The following ATP2C2 variants were observed in gnomAD, a reference collection of about 807,000 sequenced individuals.
The protein encoded by ATP2C2 is calcium-transporting ATPase type 2C member 2.
Under a neutral mutation model 110.8 loss-of-function variants are expected in ATP2C2, and 171 were observed. That is an observed-to-expected ratio of 1.54 (90% CI 1.36 to 1.75). The LOEUF is 1.75. Among genes scored for constraint, ATP2C2 ranks in the 40% most tolerant of loss-of-function variants. The pLI, the probability that ATP2C2 is intolerant of heterozygous loss-of-function variation, is 0.00. For missense variants in ATP2C2, 1,963 were observed against 1,235.0 expected, an observed-to-expected ratio of 1.59 and a Z score of -8.84; for synonymous variants, 804 against 508.4, an observed-to-expected ratio of 1.58 and a Z score of -7.82.
chr16:84,410,579 C>T lies in ATP2C2; in HGVS notation c.429C>T (p.Val143=), dbSNP rs750233328. 3.1e-5 allele frequency: 50 copies of T among 1,613,900 alleles called. No individual in the cohort carries two copies. Among genetic ancestry groups the T allele is most frequent in the Non-Finnish European group, 4.2e-5 (49 of 1,179,986 alleles). The change falls in exon 5 of 27, where the codon GTC becomes GTT. Residue 143 remains valine (V), a synonymous_variant. Transcript: ENST00000262429. ...DAVSIATAVL[V]VVTVAFIQEY... ...CGTTTGCTGTCTAGGCAGTGCTTGTCGTGGTCACTGTCGCCTTCATCCAGG... is the reference window on the plus strand; with the variant it reads ...CGTTTGCTGTCTAGGCAGTGCTTGTTGTGGTCACTGTCGCCTTCATCCAGG...
chr16:84,427,584 G>A (rs1194559110), intron 11 of ATP2C2, among the ~76,000 whole-genome samples: 2 of 152,068 alleles, frequency 1.3e-5, no homozygotes, highest in Non-Finnish European at 2.9e-5. Flanking sequence ...GGGTGTGGTG[G>A]CAGGCACCTA....
At chr16:84,393,710 G>A (rs1904798005) in intron 1 of ATP2C2, among the ~76,000 whole-genome samples, 1 of 151,744 alleles carries the variant, frequency 6.6e-6, no homozygotes. Flanking sequence ...GGAGGATAGA[G>A]GATGGGAGGC....
At chr16:84,388,461 T>A (rs1904449999) in intron 1 of ATP2C2, among the ~76,000 whole-genome samples, 1 of 152,260 alleles carries the variant, frequency 6.6e-6, no homozygotes, top group African/African-American at 2.4e-5. Context: ...GGCCTGAGTT[T>A]CTGCATTTCT....
chr16:84,441,881 C>G (rs1158414411), intron 14 of ATP2C2, among the ~76,000 whole-genome samples: 1 of 152,106 alleles, frequency 6.6e-6, no homozygotes, highest in African/African-American at 2.4e-5. Flanking sequence ...TGAGGTCATG[C>G]CACTGCACTC....
Position 84,446,398 on chromosome 16 carries a change from T to C in ATP2C2, c.1471T>C (p.Trp491Arg), listed in dbSNP as rs1250061309. ...GATTCCATTCAGTTCAGAGCAGAAG[T>C]GGATGGCGGTGAAATGCAGTCTGAA... Reference protein sequence around the residue: ...KEIPFSSEQKWMAVKCSLKTE... With the variant: ...KEIPFSSEQKRMAVKCSLKTE... Residue 491 changes from tryptophan to arginine, a missense_variant, in exon 16 of 27, where the codon TGG becomes CGG. By Grantham distance (101) the Trp-to-Arg change is moderately radical. Coordinates refer to ENST00000262429, the MANE Select transcript of ATP2C2 (RefSeq NM_014861.4). 6.2e-7 allele frequency: 1 copy of C among 1,606,548 alleles called. No homozygotes were observed. The highest frequency in any genetic ancestry group is 1.1e-5 in the South Asian group (1 of 89,340).
intron 11 of ATP2C2, among the ~76,000 whole-genome samples, chr16:84,438,545 C>A (rs1274416451): frequency 6.6e-6 from 1 of 152,184 alleles, no homozygotes; most frequent in Non-Finnish European, 1.5e-5. Flanking sequence ...ACGCTCTCCT[C>A]GAATCCAGCC....
chr16:84,412,456 G>T (rs1385331038), intron 6 of ATP2C2, among the ~76,000 whole-genome samples: 1 of 148,434 alleles, frequency 6.7e-6, no homozygotes, highest in African/African-American at 2.5e-5. Context: ...GTGTGTCTGT[G>T]TCTCCGTGTG....
chr16:84,461,595 G>T, intron 24 of ATP2C2, 119 bp from the exon 25 acceptor site: 1 of 873,360 alleles, frequency 1.1e-6, no homozygotes, highest in Non-Finnish European at 1.9e-6. Flanking sequence ...ACCGATTCAT[G>T]AGCTTGTAAG....
In ATP2C2 at chr16:84,398,550, G is replaced by T; in HGVS notation, c.151G>T (p.Ala51Ser). Residue 51 changes from alanine (A) to serine (S), a missense_variant, in exon 2 of 27, where the codon GCC becomes TCC. Ala to Ser is a moderately conservative substitution (Grantham distance 99). Transcript: ENST00000262429. ...CATCGAGAAAGAGAAGAAGGTGACA[G>T]CCCTGCCCCCCAAGGAAGCGTGCAA... ...KAIEKEKKVT[A>S]LPPKEACKCQ... 6.2e-7 allele frequency: 1 copy of T among 1,613,700 alleles called. No individual in the cohort carries two copies. The highest frequency in any genetic ancestry group is 8.5e-7 in the Non-Finnish European group (1 of 1,179,844).
At chr16:84,398,643 G>T in intron 2 of ATP2C2, 34 bp downstream of exon 2, 1 of 1,524,582 alleles carries the variant, frequency 6.6e-7, no homozygotes. Context: ...AGCTAATTGT[G>T]ATAAGGTTTT....
chr16:84,461,918 G>A (rs1911397225), intron 25 of ATP2C2, 70 bp from the exon 26 acceptor site: 1 of 1,608,050 alleles, frequency 6.2e-7, no homozygotes, highest in Non-Finnish European at 8.5e-7. Flanking sequence ...AGCGTGGGCA[G>A]TCAGAGCTCC....
intron 10 of ATP2C2, 74 bp downstream of exon 10, chr16:84,423,337 C>G (rs1907527360): frequency 7.1e-7 from 1 of 1,400,300 alleles, no homozygotes; most frequent in South Asian, 1.2e-5. Context: ...TTGCCATGGC[C>G]GTTTCTCAAA....
At position 84,451,909 on chromosome 16, in the gene ATP2C2, C is replaced by A. The variant is rs200869801; in HGVS notation, c.1661-12C>A. ...CCCCGGTGACCCCTCCTTACTCCCC[C>A]TCTCTCCTCAGTGCTGGCCCTGGCT... On this transcript the variant is annotated splice_polypyrimidine_tract_variant and intron_variant, in intron 17 of 26. Transcript: ENST00000262429. The A allele has an allele frequency of 1.6e-3, 2,629 of 1,609,614 alleles. 33 individuals carry two copies. Among genetic ancestry groups the A allele is most frequent in the South Asian group, 9.1e-3 (823 of 90,922 alleles).
In ATP2C2 at chr16:84,440,899, C is replaced by A. The variant is rs757630547; in HGVS notation, c.1252C>A (p.Leu418Ile). ...TGACGGTCAAGGGACTGTGTGTCTTCTACCATCCAAGGAAGTCATTAAGGA... is the reference window on the plus strand; with the variant it reads ...TGACGGTCAAGGGACTGTGTGTCTTATACCATCCAAGGAAGTCATTAAGGA... ...GYDGQGTVCL[L>I]PSKEVIKEFS... Residue 418 changes from leucine to isoleucine, a missense_variant, in exon 14 of 27, where the codon CTA becomes ATA. By Grantham distance (5) the Leu-to-Ile change is conservative (BLOSUM62 2). Transcript: ENST00000262429. 1 of 1,613,668 alleles carries A rather than the reference C, an allele frequency of 6.2e-7. No individual in the cohort carries two copies. The highest frequency in any genetic ancestry group is 8.5e-7 in the Non-Finnish European group (1 of 1,179,968).
rs536460101 is a variant in ATP2C2 at position 84,399,927 on chromosome 16, G to T, written c.210+1318G>T. ...ACTTTCTCCCAACTACCCTTTCCAGGCCCTGGTAACCATCCTACTATCTCC... is the reference window on the plus strand; with the variant it reads ...ACTTTCTCCCAACTACCCTTTCCAGTCCCTGGTAACCATCCTACTATCTCC... On this transcript the variant is annotated intron_variant, in intron 2 of 26. Coordinates refer to ENST00000262429, the MANE Select transcript of ATP2C2 (RefSeq NM_014861.4). Among the ~76,000 whole-genome samples the T allele has an allele frequency of 3.6e-4, 55 of 152,056 alleles. No individual in the cohort carries two copies. The South Asian group carries it at 0.011, about 31-fold the overall frequency.
At chr16:84,397,492 T>C (rs1905057398) in intron 1 of ATP2C2, among the ~76,000 whole-genome samples, 3 of 151,106 alleles carry the variant, frequency 2.0e-5, no homozygotes, top group Non-Finnish European at 2.9e-5. Flanking sequence ...CTGGGCAACA[T>C]AGGGAGACCC....
chr16:84,411,337 C>G (rs1906268536), intron 6 of ATP2C2, among the ~76,000 whole-genome samples: 1 of 152,232 alleles, frequency 6.6e-6, no homozygotes. Flanking sequence ...AAATGTCTGC[C>G]AGTACCACAT....
intron 16 of ATP2C2, among the ~76,000 whole-genome samples, chr16:84,447,752 A>AAT (rs1491269531): frequency 1.4e-5 from 2 of 140,956 alleles, no homozygotes; most frequent in East Asian, 1.9e-4. Context: ...TATAATATAT[A>AAT]ATATACATAT....
intron 1 of ATP2C2, among the ~76,000 whole-genome samples, chr16:84,374,835 T>C (rs1910159211): frequency 6.6e-6 from 1 of 152,208 alleles, no homozygotes; most frequent in Non-Finnish European, 1.5e-5. Flanking sequence ...AATACAGTTA[T>C]GAAAGACCCG....
Sources: allele counts gnomAD v4.1 joint callset (sites outside exome capture counted in the v4.1 genomes callset), GRCh38; gene constraint gnomAD v4.1.1; transcripts MANE v1.5; gene names NCBI Gene and HGNC (gene_info 2026-07-23, HGNC 2026-07-21).